Variants in KIF21A observed in about 807,000 individuals in gnomAD.
KIF21A encodes the protein kinesin-like protein KIF21A.
A neutral mutation model predicts 202.9 loss-of-function variants in KIF21A; 114 were observed. That is an observed-to-expected ratio of 0.56 (90% CI 0.48 to 0.66). KIF21A has a LOEUF of 0.66. KIF21A is among the 30% of genes least tolerant of loss of function. KIF21A has a pLI of 0.00. For missense variants in KIF21A, 1,677 were observed against 1,994.9 expected (o/e 0.84, Z 3.04); for synonymous variants, 667 against 670.8 (o/e 0.99, Z 0.09).
intron 36 of KIF21A, 63 bp downstream of exon 36, chr12:39,302,902 T>C (rs1943100936): frequency 7.3e-7 from 1 of 1,369,970 alleles, no homozygotes; most frequent in East Asian, 2.3e-5. Context: ...CTTCAAGTTC[T>C]TCTACAGGCT....
intron 6 of KIF21A, among the ~76,000 whole-genome samples, 177 bp from the exon 7 acceptor site, chr12:39,363,390 A>ATAT (rs1239027608): frequency 6.6e-6 from 1 of 152,066 alleles, no homozygotes; most frequent in East Asian, 1.9e-4. Flanking sequence ...CATATATATT[A>ATAT]GTACTATATA....
chr12:39,378,099 C>T (rs145309820), intron 1 of KIF21A, among the ~76,000 whole-genome samples: 271 of 152,232 alleles, frequency 1.8e-3, no homozygotes, highest in African/African-American at 5.8e-3. Context: ...TTACAACACC[C>T]CTTGGAAAAA....
At chr12:39,296,231 G>T (rs1297813817) in intron 37 of KIF21A, among the ~76,000 whole-genome samples, 1 of 151,186 alleles carries the variant, frequency 6.6e-6, no homozygotes, top group Non-Finnish European at 1.5e-5. Context: ...ACCATGGCTG[G>T]CTAATTTTTT....
intron 1 of KIF21A, among the ~76,000 whole-genome samples, chr12:39,440,614 T>C (rs1939433633): frequency 6.6e-6 from 1 of 152,148 alleles, no homozygotes; most frequent in African/African-American, 2.4e-5. Flanking sequence ...AAATGAACAA[T>C]ATAAGTCCAA....
Position 39,318,199 on chromosome 12 carries a change from G to A in KIF21A, c.3782C>T (p.Ser1261Leu). ...ACTAGCCTCTGAAGTTCCAGAATCT[G>A]AGCTACAAGAAAAAAAGAACATTAA... is the stretch of plus-strand genomic sequence containing the variant. ...EKSKAKEQKH[S>L]DSGTSEASLS... is the part of the protein sequence containing the mutation. Residue 1261 changes from serine (S) to leucine (L), a missense_variant and splice_region_variant, in exon 29 of 38, where the codon TCA becomes TTA. Ser to Leu is a moderately radical substitution (Grantham distance 145). Around this residue, in one of 3 missense-constraint regions of KIF21A, gnomAD observed 705 missense variants for 791.9 expected, o/e 0.89. Coordinates refer to ENST00000361418, the MANE Select transcript of KIF21A (RefSeq NM_001173464.2). 6.2e-7 allele frequency: 1 copy of A among 1,612,906 alleles called. No homozygotes were observed. Among genetic ancestry groups the A allele is most frequent in the Non-Finnish European group, 8.5e-7 (1 of 1,179,168 alleles).
chr12:39,333,724 T>C (rs998192206), intron 17 of KIF21A, among the ~76,000 whole-genome samples: 19 of 152,136 alleles, frequency 1.2e-4, no homozygotes, highest in Non-Finnish European at 2.4e-4. Flanking sequence ...AGGAGGAATA[T>C]ATATTAATTT....
At chr12:39,363,402 A>G (rs1949382241) in intron 6 of KIF21A, among the ~76,000 whole-genome samples, 189 bp from the exon 7 acceptor site, 1 of 152,068 alleles carries the variant, frequency 6.6e-6, no homozygotes, top group African/African-American at 2.4e-5. Flanking sequence ...TACTATATAT[A>G]ATACCGTATG....
At position 39,370,078 on chromosome 12, in the gene KIF21A, G is replaced by C; in HGVS notation, c.228C>G (p.Cys76Trp). Residue 76 changes from cysteine to tryptophan, a missense_variant, in exon 2 of 38, where the codon TGC becomes TGG. Cys to Trp is a radical substitution (Grantham distance 215, BLOSUM62 -2). Transcript: ENST00000361418. The part of the protein sequence containing the change: ...IQCIEKLIEG[C>W]FEGYNATVFA... ...AAACTGTAGCATTGTATCCTTCAAA[G>C]CAACCTTCAATTAGTTTTTCTATAC... 6.2e-7 allele frequency: 1 copy of C among 1,613,766 alleles called. No individual in the cohort carries two copies. Among genetic ancestry groups the C allele is most frequent in the Non-Finnish European group, 8.5e-7 (1 of 1,179,800 alleles).
chr12:39,360,919 A>C (rs1949158691), intron 7 of KIF21A, among the ~76,000 whole-genome samples: 1 of 152,226 alleles, frequency 6.6e-6, no homozygotes, highest in African/African-American at 2.4e-5. Context: ...AAAAGTGAAG[A>C]TATTTTGCTC....
At chr12:39,338,401 T>TA (rs929818604) in intron 16 of KIF21A, among the ~76,000 whole-genome samples, 1 of 152,114 alleles carries the variant, frequency 6.6e-6, no homozygotes, top group East Asian at 1.9e-4. Flanking sequence ...ATTTATAAAA[T>TA]AAAAAAAATT....
At chr12:39,298,006 C>G (rs1942577179) in intron 37 of KIF21A, among the ~76,000 whole-genome samples, 1 of 151,134 alleles carries the variant, frequency 6.6e-6, no homozygotes, top group African/African-American at 2.4e-5. Context: ...CACTACTAGC[C>G]ATGACAGAGT....
chr12:39,295,917 C>G (rs1303999619), intron 37 of KIF21A, among the ~76,000 whole-genome samples: 1 of 150,586 alleles, frequency 6.6e-6, no homozygotes, highest in Non-Finnish European at 1.5e-5. Context: ...GTTGGCCAGC[C>G]TCGATCTCTT....
chr12:39,309,618 G>A lies in KIF21A; in HGVS notation c.4245C>T (p.Ile1415=). The part of the protein sequence containing the change: ...VSTSYIKVWD[I]RDSAKCIRTL... Reference sequence around the variant, plus strand: ...TTCGAATGCACTTTGCTGAATCTCTGATATCCCACACCTTAATATAAGATG... The same window carrying A: ...TTCGAATGCACTTTGCTGAATCTCTAATATCCCACACCTTAATATAAGATG... Residue 1415 remains isoleucine, a synonymous_variant, in exon 33 of 38, where the codon ATC becomes ATT. Transcript: ENST00000361418. The A allele has an allele frequency of 6.2e-7, 1 of 1,611,936 alleles. No individual in the cohort carries two copies. The highest frequency in any genetic ancestry group is 2.2e-5 in the East Asian group (1 of 44,804).
chr12:39,395,830 G>A (rs1361582992), intron 1 of KIF21A, among the ~76,000 whole-genome samples: 3 of 139,490 alleles, frequency 2.2e-5, no homozygotes, highest in Non-Finnish European at 4.5e-5. Flanking sequence ...TGACGAGAGC[G>A]AGACTCCGTC....
chr12:39,434,242 G>C (rs1259074440), intron 1 of KIF21A, among the ~76,000 whole-genome samples: 1 of 152,080 alleles, frequency 6.6e-6, no homozygotes, highest in African/African-American at 2.4e-5. Context: ...AGAACAAGAG[G>C]GGACTAAACT....
intron 1 of KIF21A, among the ~76,000 whole-genome samples, chr12:39,397,865 T>G (rs147161367): frequency 1.3e-5 from 2 of 152,298 alleles, no homozygotes; most frequent in Non-Finnish European, 2.9e-5. Flanking sequence ...AACATGTAAA[T>G]AGCTGAATGC....
Position 39,332,243 on chromosome 12 carries a change from C to T in KIF21A, c.3022G>A (p.Ala1008Thr). 1.9e-6 allele frequency: 3 copies of T among 1,613,864 alleles called. No individual in the cohort carries two copies. The highest frequency in any genetic ancestry group is 2.5e-6 in the Non-Finnish European group (3 of 1,179,940). The change falls in exon 21 of 38, where the codon GCC (alanine) becomes ACC (threonine). Residue 1008 changes from alanine (A) to threonine (T), a missense_variant. Around this residue, in one of 3 missense-constraint regions of KIF21A, gnomAD observed 705 missense variants for 791.9 expected, o/e 0.89. Coordinates refer to ENST00000361418, the MANE Select transcript of KIF21A (RefSeq NM_001173464.2). ...YINDSISDCQ[A>T]NIMQMEEAKE... ...GCTTCTTCCATCTGCATTATGTTGG[C>T]CTGACAATCAGAAATACTGTCATTG...
chr12:39,301,470 G>T lies in KIF21A; in HGVS notation c.4931+10C>A. 1 of 1,609,198 alleles carries T rather than the reference G, an allele frequency of 6.2e-7. No individual in the cohort carries two copies. Among genetic ancestry groups the T allele is most frequent in the Non-Finnish European group, 8.5e-7 (1 of 1,175,530 alleles). ...ACCAATATAGAGAAAAATCATATAA[G>T]AAAACTTACTCAGCTGCAGTAAAAA... is the stretch of plus-strand genomic sequence containing the variant. On this transcript the variant is annotated intron_variant, in intron 37 of 37. Coordinates refer to ENST00000361418, the MANE Select transcript of KIF21A (RefSeq NM_001173464.2).
intron 15 of KIF21A, among the ~76,000 whole-genome samples, chr12:39,340,585 A>G (rs945135909): frequency 1.3e-5 from 2 of 152,150 alleles, no homozygotes; most frequent in African/African-American, 4.8e-5. Context: ...AATGTCCCCA[A>G]CATAAATCAA....
Sources: gnomAD v4.1 joint callset for allele counts (sites outside exome capture counted in the v4.1 genomes callset) on GRCh38, gnomAD v4.1.1 for gene constraint, gnomAD v4.1.1 regional missense constraint, MANE v1.5 for transcripts, NCBI Gene and HGNC (gene_info 2026-07-23, HGNC 2026-07-21) for gene names.